COL13A1: variants seen among roughly 807,000 people sequenced by gnomAD.
The protein encoded by COL13A1 is collagen type XIII alpha 1 chain, also known as collagen alpha-1(XIII) chain.
In COL13A1, 89 loss-of-function variants were observed where a neutral mutation model predicts 130.9. The observed-to-expected ratio is 0.68, with a 90% CI of 0.57 to 0.81. The LOEUF (loss-of-function observed/expected upper bound fraction) is 0.81, where lower values mean the gene tolerates loss of function less well. Ranked by LOEUF, COL13A1 falls within the 30% of genes least tolerant of loss-of-function variation. COL13A1 has a pLI of 0.00. For missense variants in COL13A1, 879 were observed against 934.6 expected (o/e 0.94, Z 0.78); for synonymous variants, 402 against 341.6 (o/e 1.18, Z -1.95).
In COL13A1 at chr10:69,902,769, A is replaced by T; in HGVS notation, c.772A>T (p.Ile258Phe). The change falls in exon 15 of 41, where the codon ATC (isoleucine) becomes TTC (phenylalanine). Residue 258 changes from isoleucine to phenylalanine, a missense_variant. This residue lies in a region of COL13A1 where 715 missense variants were observed against 721.0 expected (regional missense o/e 0.99). Transcript: ENST00000645393. Reference sequence around the variant, plus strand: ...TCAGGGCGAACAGAGCCAGGCCAGCATCCAAGGTCCACCAGGGCCCCCAGG... The same window carrying T: ...TCAGGGCGAACAGAGCCAGGCCAGCTTCCAAGGTCCACCAGGGCCCCCAGG... The part of the protein sequence containing the change: ...TFQGEQSQAS[I>F]QGPPGPPGPP... 3 of 1,555,226 alleles carry T rather than the reference A, an allele frequency of 1.9e-6. No homozygotes were observed. The highest frequency in any genetic ancestry group is 2.6e-6 in the Non-Finnish European group (3 of 1,149,350).
intron 17 of COL13A1, among the ~76,000 whole-genome samples, chr10:69,914,107 GT>G (rs2063668606): frequency 6.6e-6 from 1 of 152,164 alleles, no homozygotes; most frequent in Admixed American, 6.5e-5. Context: ...ACGCTCCGGG[GT>G]TTTGCTCTGC....
At chr10:69,949,339 C>A (rs925520407) in intron 38 of COL13A1, among the ~76,000 whole-genome samples, 2 of 152,196 alleles carry the variant, frequency 1.3e-5, no homozygotes, top group Admixed American at 6.5e-5. Context: ...TGCGCCACCA[C>A]GCCCGGCTAA....
chr10:69,925,681 C>T (rs928010570), intron 25 of COL13A1, 123 bp from the exon 26 acceptor site: 21 of 676,544 alleles, frequency 3.1e-5, no homozygotes, highest in Admixed American at 2.0e-4. Context: ...GCCCCGCTGG[C>T]TGTTCTGGGT....
At chr10:69,958,566 A>G in intron 40 of COL13A1, 133 bp from the exon 41 acceptor site, 1 of 1,396,124 alleles carries the variant, frequency 7.2e-7, no homozygotes, top group Non-Finnish European at 9.8e-7. Flanking sequence ...CTAGGGGCTC[A>G]GGGTTCCCAC....
intron 2 of COL13A1, among the ~76,000 whole-genome samples, chr10:69,859,542 G>C (rs1857391990): frequency 6.6e-6 from 1 of 152,246 alleles, no homozygotes; most frequent in Admixed American, 6.5e-5. Flanking sequence ...CCTTGCACAG[G>C]AACACTGGCG....
intron 2 of COL13A1, among the ~76,000 whole-genome samples, chr10:69,840,342 T>C (rs933882487): frequency 2.0e-5 from 3 of 152,094 alleles, no homozygotes; most frequent in African/African-American, 7.2e-5. Context: ...TCCTTTAAGT[T>C]GCGTGTCCCC....
intron 6 of COL13A1, 150 bp from the exon 7 acceptor site, chr10:69,880,353 G>T: frequency 1.4e-6 from 1 of 699,684 alleles, no homozygotes. Flanking sequence ...GGCCCTCCAC[G>T]TCCCCTGGCA....
intron 2 of COL13A1, among the ~76,000 whole-genome samples, chr10:69,857,007 G>A (rs56080395): frequency 0.3 from 45,190 of 152,086 alleles, 7,020 homozygotes; most frequent in East Asian, 0.35. Context: ...CACCTTCCCT[G>A]GGCCCACTGT....
chr10:69,837,651 T>A (rs1440774837), intron 2 of COL13A1, among the ~76,000 whole-genome samples: 1 of 152,228 alleles, frequency 6.6e-6, no homozygotes, highest in Non-Finnish European at 1.5e-5. Context: ...TCCTCACTTC[T>A]GTGGAGGGTG....
At chr10:69,868,613 G>T (rs1049502565) in intron 3 of COL13A1, among the ~76,000 whole-genome samples, 4 of 152,192 alleles carry the variant, frequency 2.6e-5, no homozygotes, top group East Asian at 1.9e-4. Flanking sequence ...CTTTCTCAAG[G>T]TTGCTGAAAT....
chr10:69,878,550 C>T (rs535363309), intron 6 of COL13A1, among the ~76,000 whole-genome samples: 34 of 152,088 alleles, frequency 2.2e-4, no homozygotes, highest in Non-Finnish European at 3.8e-4. Flanking sequence ...GGCGAGATCT[C>T]GGCTCACTGC....
chr10:69,852,549 A>G (rs1448389996), intron 2 of COL13A1, among the ~76,000 whole-genome samples: 1 of 152,278 alleles, frequency 6.6e-6, no homozygotes, highest in East Asian at 1.9e-4. Flanking sequence ...AGTGCCAGAT[A>G]TATCGAGCAA....
At chr10:69,815,887 C>CAA (rs11393895) in intron 1 of COL13A1, among the ~76,000 whole-genome samples, 178 of 148,810 alleles carry the variant, frequency 1.2e-3, no homozygotes, top group Middle Eastern at 3.4e-3. Flanking sequence ...GAAAAATAAG[C>CAA]AAAAAAAAAA....
At chr10:69,871,722 G>C (rs1308059104) in intron 3 of COL13A1, among the ~76,000 whole-genome samples, 1 of 152,170 alleles carries the variant, frequency 6.6e-6, no homozygotes, top group African/African-American at 2.4e-5. Context: ...GTCTCTGGAG[G>C]GAGAAACCAA....
intron 28 of COL13A1, among the ~76,000 whole-genome samples, chr10:69,929,285 G>A (rs987404092): frequency 2.0e-5 from 3 of 151,878 alleles, no homozygotes; most frequent in African/African-American, 7.3e-5. Context: ...GCGGGAGTGA[G>A]GACCCCATCA....
chr10:69,903,142 G>T (rs1481169181), intron 15 of COL13A1, among the ~76,000 whole-genome samples: 2 of 152,238 alleles, frequency 1.3e-5, no homozygotes, highest in African/African-American at 4.8e-5. Context: ...TTTGGAAAGA[G>T]AATTCCCAAG....
At chr10:69,906,505 T>C (rs1376997906) in intron 17 of COL13A1, among the ~76,000 whole-genome samples, 2 of 152,076 alleles carry the variant, frequency 1.3e-5, no homozygotes, top group African/African-American at 2.4e-5. Flanking sequence ...TAGACAGACT[T>C]CCTTACAGCA....
chr10:69,868,246 G>T (rs975339502), intron 3 of COL13A1, among the ~76,000 whole-genome samples: 1 of 152,270 alleles, frequency 6.6e-6, no homozygotes, highest in South Asian at 2.1e-4. Flanking sequence ...TGCTCCAGGG[G>T]ACTCACATCC....
At chr10:69,883,095 C>A (rs2060298373) in intron 7 of COL13A1, among the ~76,000 whole-genome samples, 1 of 152,210 alleles carries the variant, frequency 6.6e-6, no homozygotes, top group African/African-American at 2.4e-5. Flanking sequence ...CCACCTGCCT[C>A]CCCTCTTGGA....
Sources: gnomAD v4.1 joint callset for allele counts (sites outside exome capture counted in the v4.1 genomes callset) on GRCh38, gnomAD v4.1.1 for gene constraint, gnomAD v4.1.1 regional missense constraint, MANE v1.5 for transcripts, NCBI Gene and HGNC (gene_info 2026-07-23, HGNC 2026-07-21) for gene names.